KIF15: variants seen among roughly 807,000 people sequenced by gnomAD.
KIF15 encodes kinesin family member 15.
In KIF15, 140 loss-of-function variants were observed where a neutral mutation model predicts 190.6. That is an observed-to-expected ratio of 0.73 (90% confidence interval 0.64 to 0.84). KIF15 has a LOEUF of 0.84. KIF15 is among the 40% of genes least tolerant of loss of function. KIF15 has a pLI of 0.00. For missense variants in KIF15, 1,372 were observed against 1,584.4 expected, an observed-to-expected ratio of 0.87 and a Z score of 2.28; for synonymous variants, 528 against 551.3, an observed-to-expected ratio of 0.96 and a Z score of 0.59.
intron 32 of KIF15, among the ~76,000 whole-genome samples, chr3:44,849,644 G>C (rs1322981872): frequency 1.3e-5 from 2 of 151,716 alleles, no homozygotes; most frequent in Non-Finnish European, 2.9e-5. Context: ...TCTACACCCT[G>C]CAGGATTTTA....
At chr3:44,818,262 A>C (rs1305931871) in intron 20 of KIF15, among the ~76,000 whole-genome samples, 2 of 152,228 alleles carry the variant, frequency 1.3e-5, no homozygotes, top group Non-Finnish European at 2.9e-5. Flanking sequence ...TGCCCTGGCC[A>C]GAACTTCCAA....
chr3:44,827,017 C>T (rs776830394), intron 22 of KIF15: 13 of 456,432 alleles, frequency 2.8e-5, no homozygotes, highest in African/African-American at 1.0e-4. Context: ...CAGTGGTGAA[C>T]GTAGAGCTTA....
At chr3:44,768,383 C>T (rs182126720) in intron 1 of KIF15, among the ~76,000 whole-genome samples, 17 of 152,054 alleles carry the variant, frequency 1.1e-4, no homozygotes, top group African/African-American at 3.4e-4. Flanking sequence ...ATCAGGCACG[C>T]GGACACATCG....
At chr3:44,813,740 C>G (rs1021997506) in intron 19 of KIF15, among the ~76,000 whole-genome samples, 4 of 151,952 alleles carry the variant, frequency 2.6e-5, no homozygotes, top group African/African-American at 9.7e-5. Context: ...AGCAGTTCTC[C>G]TGTCTCCTCC....
intron 19 of KIF15, among the ~76,000 whole-genome samples, chr3:44,813,847 A>G (rs1218548345): frequency 6.6e-6 from 1 of 151,834 alleles, no homozygotes; most frequent in Non-Finnish European, 1.5e-5. Context: ...TGAACTCCTG[A>G]CCTCAGGTGA....
intron 3 of KIF15, among the ~76,000 whole-genome samples, chr3:44,777,476 G>A (rs748071717): frequency 1.9e-4 from 29 of 152,030 alleles, no homozygotes; most frequent in Non-Finnish European, 4.0e-4. Flanking sequence ...GGCGGATCAC[G>A]AGGTCAGGAG....
At chr3:44,796,832 G>A (rs2125628874) in intron 8 of KIF15, among the ~76,000 whole-genome samples, 1 of 152,074 alleles carries the variant, frequency 6.6e-6, no homozygotes, top group African/African-American at 2.4e-5. Flanking sequence ...TGGCTTTGGG[G>A]GCTGTATGGG....
At chr3:44,827,013 T>G in intron 22 of KIF15, 1 of 456,862 alleles carries the variant, frequency 2.2e-6, no homozygotes, top group Middle Eastern at 3.3e-4. Flanking sequence ...TATACAGTGG[T>G]GAACGTAGAG....
chr3:44,775,519 G>T, intron 3 of KIF15, 82 bp downstream of exon 3: 1 of 1,039,564 alleles, frequency 9.6e-7, no homozygotes. Context: ...GCAGTGGCAT[G>T]ATCTCGGCTC....
intron 1 of KIF15, among the ~76,000 whole-genome samples, chr3:44,766,807 C>CTTTTTTT (rs766382105): frequency 3.6e-4 from 43 of 118,522 alleles, no homozygotes; most frequent in Non-Finnish European, 5.5e-4. Flanking sequence ...TTCTTTCTTT[C>CTTTTTTT]TTTTTTTTTT....
chr3:44,768,805 C>G (rs1333558890), intron 1 of KIF15, among the ~76,000 whole-genome samples: 1 of 152,084 alleles, frequency 6.6e-6, no homozygotes, highest in Non-Finnish European at 1.5e-5. Context: ...CAAAAGGGAC[C>G]ATTATCTGAG....
chr3:44,832,475 T>C (rs985370678), intron 26 of KIF15, among the ~76,000 whole-genome samples: 1 of 152,056 alleles, frequency 6.6e-6, no homozygotes, highest in East Asian at 1.9e-4. Flanking sequence ...ATATGTACCA[T>C]GAAGGGAAGA....
At chr3:44,830,386 G>T (rs1011469824) in intron 25 of KIF15, among the ~76,000 whole-genome samples, 1 of 152,176 alleles carries the variant, frequency 6.6e-6, no homozygotes, top group African/African-American at 2.4e-5. Context: ...GCTGGTTGCT[G>T]GCCGTAACAG....
rs1488089007 is a variant in KIF15, at chr3:44,831,019, G to A, written c.3171+1G>A. ...GAGAATACTTTCTGAGGACATAGAG[G>A]TAGGTATTAACGCATCACAGCTTCT... is the stretch of plus-strand genomic sequence containing the variant. On this transcript the variant is annotated splice_donor_variant, in intron 26 of 34. Transcript: ENST00000326047. LOFTEE classifies it high-confidence loss of function. 1 of 1,613,512 alleles carries A rather than the reference G, an allele frequency of 6.2e-7. No individual in the cohort carries two copies. The highest frequency in any genetic ancestry group is 8.5e-7 in the Non-Finnish European group (1 of 1,179,800).
chr3:44,844,104 C>T (rs1698735955), intron 30 of KIF15, among the ~76,000 whole-genome samples: 1 of 152,170 alleles, frequency 6.6e-6, no homozygotes, highest in African/African-American at 2.4e-5. Context: ...GAAGCCCTTA[C>T]CGAATTCCAC....
intron 18 of KIF15, among the ~76,000 whole-genome samples, chr3:44,812,560 G>A (rs1327438592): frequency 1.3e-5 from 2 of 152,162 alleles, no homozygotes; most frequent in Non-Finnish European, 1.5e-5. Context: ...TGGATCCCTT[G>A]CTATGTGTTT....
intron 21 of KIF15, 89 bp downstream of exon 21, chr3:44,826,278 A>G: frequency 6.4e-7 from 1 of 1,556,902 alleles, no homozygotes; most frequent in Admixed American, 1.9e-5. Context: ...TCTTTGCTAT[A>G]CTTGCCCACA....
At chr3:44,778,047 G>T in intron 3 of KIF15, 68 bp from the exon 4 acceptor site, 2 of 1,337,562 alleles carry the variant, frequency 1.5e-6, no homozygotes, top group Admixed American at 3.4e-5. Context: ...CTGTTACATT[G>T]TAGAATGCAA....
At chr3:44,794,185 C>A in intron 7 of KIF15, 32 bp from the exon 8 acceptor site, 1 of 1,573,032 alleles carries the variant, frequency 6.4e-7, no homozygotes, top group South Asian at 1.2e-5. Context: ...CTGGTCCTCT[C>A]ATTTCTTTTA....
Sources: allele counts gnomAD v4.1 joint callset (sites outside exome capture counted in the v4.1 genomes callset), GRCh38; gene constraint gnomAD v4.1.1; transcripts MANE v1.5; gene names NCBI Gene and HGNC (gene_info 2026-07-23, HGNC 2026-07-21).